The following VPS52 variants were observed in gnomAD, a reference collection of about 807,000 sequenced individuals.
VPS52 encodes the protein VPS52 subunit of GARP complex, also known as vacuolar protein sorting-associated protein 52 homolog.
In VPS52, 56 loss-of-function variants were observed where a neutral mutation model predicts 98.7. That is an observed-to-expected ratio of 0.57 (90% CI 0.46 to 0.71). The LOEUF (loss-of-function observed/expected upper bound fraction) is 0.71, where lower values mean the gene tolerates loss of function less well. Ranked by LOEUF, VPS52 falls within the 30% of genes least tolerant of loss-of-function variation. The probability of loss-of-function intolerance (pLI) is 0.00; values close to 1 mark genes in which losing one functional copy is unlikely to be tolerated. For synonymous variants in VPS52, 348 were observed against 346.4 expected, an observed-to-expected ratio of 1.00 and a Z score of -0.05; for missense variants, 742 against 925.9, an observed-to-expected ratio of 0.80 and a Z score of 2.58.
At chr6:33,262,257 CAT>C (rs2150827169) in intron 17 of VPS52, among the ~76,000 whole-genome samples, 1 of 152,072 alleles carries the variant, frequency 6.6e-6, no homozygotes, top group South Asian at 2.1e-4. Context: ...GGCAAACAGA[CAT>C]ATATGAAAAG....
At chr6:33,256,463 C>CAAAAAAAAAAAAAAAAAAAAAAAA (rs9280385) in intron 17 of VPS52, among the ~76,000 whole-genome samples, 2 of 83,746 alleles carry the variant, frequency 2.4e-5, no homozygotes, top group Non-Finnish European at 4.6e-5. Context: ...AAACCTGTCT[C>CAAAAAAAAAAAAAAAAAAAAAAAA]AAAAAAAAAA....
chr6:33,271,775 C>T lies in VPS52; in HGVS notation c.-100G>A. 6.8e-7 allele frequency: 1 copy of T among 1,475,752 alleles called. No individual in the cohort carries two copies. The allele number at this position is 1,475,752 out of a possible 1,614,324, so 91.4% of individuals were successfully genotyped here. On this transcript the variant is annotated 5_prime_UTR_variant, in exon 1 of 20. Transcript: ENST00000445902. Reference sequence around the variant, plus strand: ...GGGTCTTCCTCAGCGCGAAATCGTTCCCAGATATTTGAGTTAAGTTGTTTG... The same window carrying T: ...GGGTCTTCCTCAGCGCGAAATCGTTTCCAGATATTTGAGTTAAGTTGTTTG...
intron 17 of VPS52, among the ~76,000 whole-genome samples, chr6:33,259,816 G>C (rs1375103718): frequency 1.3e-5 from 2 of 151,970 alleles, no homozygotes; most frequent in Non-Finnish European, 2.9e-5. Flanking sequence ...AATACCACAT[G>C]TTGGAGAAAA....
At chr6:33,252,725 T>C (rs1581545668) in intron 17 of VPS52, among the ~76,000 whole-genome samples, 1 of 151,970 alleles carries the variant, frequency 6.6e-6, no homozygotes, top group African/African-American at 2.4e-5. Context: ...ACAAGAATTA[T>C]ACAATGAATT....
chr6:33,259,164 A>G lies in VPS52; in HGVS notation c.1794+4320T>C, dbSNP rs991228199. On this transcript the variant is annotated intron_variant, in intron 17 of 19. Coordinates refer to ENST00000445902, the MANE Select transcript of VPS52 (RefSeq NM_022553.6). Reference sequence around the variant, plus strand: ...ATTTATTCAGTAAAGATTAATTGACAAAGACTTGAGTCAACACCACTACGG... The same window carrying G: ...ATTTATTCAGTAAAGATTAATTGACGAAGACTTGAGTCAACACCACTACGG... Among the ~76,000 whole-genome samples, 4 of 152,178 alleles carry G rather than the reference A, an allele frequency of 2.6e-5. No individual in the cohort carries two copies. In the East Asian group the frequency reaches 7.7e-4, roughly 29 times the overall value.
In VPS52 at chr6:33,266,751, G is replaced by A. The variant is rs776893532; in HGVS notation, c.1126-39C>T. The A allele has an allele frequency of 6.3e-6, 10 of 1,575,392 alleles. No homozygotes were observed. In the Admixed American group the frequency reaches 1.2e-4, roughly 20 times the overall value. On this transcript the variant is annotated intron_variant, in intron 11 of 19. Transcript: ENST00000445902. ...AGTAAAGAAGAAAAACAGAAGGGAT[G>A]GACCCCAACACTGACTTCCCATGGA... is the stretch of plus-strand genomic sequence containing the variant.
rs184051660 is a variant in VPS52, at chr6:33,267,013, G to A, written c.1125+175C>T. The stretch of plus-strand genomic sequence containing the variant: ...CCCCTCTGCATGCCCTTAAGTCAAT[G>A]GTTCCCAGCTCTTTTCACATCACAG... On this transcript the variant is annotated intron_variant, in intron 11 of 19. Coordinates refer to ENST00000445902, the MANE Select transcript of VPS52 (RefSeq NM_022553.6). The surrounding 1 kb of genome is among the most constrained non-coding windows in gnomAD (Gnocchi z 4.2). Among the ~76,000 whole-genome samples the A allele has an allele frequency of 5.3e-5, 8 of 152,288 alleles. No homozygotes were observed. In the East Asian group the frequency reaches 1.3e-3, roughly 26 times the overall value.
In VPS52 at chr6:33,267,502, T is replaced by C; in HGVS notation, c.991+180A>G. 1 of 1,196,668 alleles carries C rather than the reference T, an allele frequency of 8.4e-7. No homozygotes were observed. The highest frequency in any genetic ancestry group is 1.5e-5 in the South Asian group (1 of 67,708). 74.1% of individuals were successfully genotyped at this position (1,196,668 alleles called of 1,614,324 possible). A position where few individuals can be genotyped will look rare whatever the true frequency, so the allele number is the denominator to read the frequency against. ...TGTCTCTCCCTCCCTTGCAATCATA[T>C]GCAAAACTATGTGTCAAAATAATGT... On this transcript the variant is annotated intron_variant, in intron 10 of 19. Coordinates refer to ENST00000445902, the MANE Select transcript of VPS52 (RefSeq NM_022553.6). This position sits in a 1 kb window ranked among gnomAD's most constrained non-coding sequence, Gnocchi z 4.2.
intron 16 of VPS52, 29 bp downstream of exon 16, chr6:33,263,743 G>A: frequency 6.2e-7 from 1 of 1,613,390 alleles, no homozygotes; most frequent in Non-Finnish European, 8.5e-7. Flanking sequence ...TTTCTGGGTA[G>A]GAAGGCAAGG....
chr6:33,267,504 C>G lies in VPS52; in HGVS notation c.991+178G>C. On this transcript the variant is annotated intron_variant, in intron 10 of 19. Coordinates refer to ENST00000445902, the MANE Select transcript of VPS52 (RefSeq NM_022553.6). This position sits in a 1 kb window ranked among gnomAD's most constrained non-coding sequence, Gnocchi z 4.2. ...TCTCTCCCTCCCTTGCAATCATATG[C>G]AAAACTATGTGTCAAAATAATGTGT... is the stretch of plus-strand genomic sequence containing the variant. 1 of 1,203,328 alleles carries G rather than the reference C, an allele frequency of 8.3e-7. No individual in the cohort carries two copies. Among genetic ancestry groups the G allele is most frequent in the Non-Finnish European group, 1.2e-6 (1 of 854,440 alleles). 74.5% of individuals were successfully genotyped at this position (1,203,328 alleles called of 1,614,324 possible).
intron 17 of VPS52, among the ~76,000 whole-genome samples, chr6:33,261,515 C>G (rs1214550244): frequency 2.0e-5 from 3 of 151,192 alleles, no homozygotes; most frequent in African/African-American, 7.3e-5. Context: ...GCTGGGAAAA[C>G]TGGCTATCCA....
At chr6:33,254,973 G>C (rs1277260791) in intron 17 of VPS52, 1 of 152,094 alleles carries the variant, frequency 6.6e-6, no homozygotes, top group Non-Finnish European at 1.5e-5. Context: ...GCTGGCCTCA[G>C]TACTATTTTT....
chr6:33,269,935 CTG>C, intron 3 of VPS52, 62 bp downstream of exon 3: 1 of 1,606,518 alleles, frequency 6.2e-7, no homozygotes, highest in African/African-American at 1.3e-5. Flanking sequence ...AAGCAAGAGA[CTG>C]TTGTTTTTCC....
Position 33,267,270 on chromosome 6 carries a change from C to G in VPS52, c.1043G>C (p.Gly348Ala). 6.2e-7 allele frequency: 1 copy of G among 1,604,872 alleles called. No individual in the cohort carries two copies. The highest frequency in any genetic ancestry group is 8.5e-7 in the Non-Finnish European group (1 of 1,176,132). ...GGGGGAGATGACAGAGCCGCGGGTT[C>G]CTAGGGTGAAAATGGTGTTCCTGCT... ...LRSRNTIFTL[G>A]TRGSVISPTE... The change falls in exon 11 of 20, where the codon GGA becomes GCA. Residue 348 changes from glycine (G) to alanine (A), a missense_variant. By Grantham distance (60) the Gly-to-Ala change is moderately conservative (BLOSUM62 0). Coordinates refer to ENST00000445902, the MANE Select transcript of VPS52 (RefSeq NM_022553.6). This position sits in a 1 kb window ranked among gnomAD's most constrained non-coding sequence, Gnocchi z 4.2.
In VPS52 at chr6:33,268,437, T is replaced by C; in HGVS notation, c.699+62A>G. ...CAGTGAGCTCTGCCAAGGAAATCCA[T>C]AGTGAAGATCTTGGGAAGGCTGCTT... On this transcript the variant is annotated intron_variant, in intron 7 of 19. Coordinates refer to ENST00000445902, the MANE Select transcript of VPS52 (RefSeq NM_022553.6). The surrounding 1 kb of genome is among the most constrained non-coding windows in gnomAD (Gnocchi z 4.0). 2 of 1,534,918 alleles carry C rather than the reference T, an allele frequency of 1.3e-6. No individual in the cohort carries two copies. The highest frequency in any genetic ancestry group is 1.8e-6 in the Non-Finnish European group (2 of 1,138,870).
chr6:33,269,195 G>A lies in VPS52; in HGVS notation c.373-6C>T, dbSNP rs763690258. ...CCCAACATCTGCTCCATTCGCTGTA[G>A]GGAGGGTAGATGTTGCCGGAGTGCT... On this transcript the variant is annotated splice_polypyrimidine_tract_variant and splice_region_variant and intron_variant, in intron 5 of 19. Coordinates refer to ENST00000445902, the MANE Select transcript of VPS52 (RefSeq NM_022553.6). 6.2e-7 allele frequency: 1 copy of A among 1,613,032 alleles called. No individual in the cohort carries two copies. The highest frequency in any genetic ancestry group is 8.5e-7 in the Non-Finnish European group (1 of 1,179,980).
Position 33,267,170 on chromosome 6 carries a change from G to A in VPS52, c.1125+18C>T. The A allele has an allele frequency of 1.4e-6, 2 of 1,474,888 alleles. No individual in the cohort carries two copies. The highest frequency in any genetic ancestry group is 1.8e-6 in the Non-Finnish European group (2 of 1,111,328). The allele number at this position is 1,474,888 out of a possible 1,614,324, so 91.4% of individuals were successfully genotyped here. A position where few individuals can be genotyped will look rare whatever the true frequency, so the allele number is the denominator to read the frequency against. ...GCTCAGAGCCTCTTTCGTGACTGAA[G>A]CTTGTTCCTCCTCATACCCTCTGCT... On this transcript the variant is annotated intron_variant, in intron 11 of 19. Transcript: ENST00000445902. The surrounding 1 kb of genome is among the most constrained non-coding windows in gnomAD (Gnocchi z 4.2).
At chr6:33,271,911 A>G, upstream of VPS52, 1 of 1,071,146 alleles carries the variant, frequency 9.3e-7, no homozygotes, top group Non-Finnish European at 1.3e-6. Context: ...TTACCTATGA[A>G]CCTTACGAAC....
rs1329987925 is a variant in VPS52, at chr6:33,267,081, G to A, written c.1125+107C>T. On this transcript the variant is annotated intron_variant, in intron 11 of 19. Transcript: ENST00000445902. This position sits in a 1 kb window ranked among gnomAD's most constrained non-coding sequence, Gnocchi z 4.2. Reference sequence around the variant, plus strand: ...AGAAGGCCACTCCCAAGTCTAAGGGGATTAAGACAGGGCCTGCAGGTTGGG... The same window carrying A: ...AGAAGGCCACTCCCAAGTCTAAGGGAATTAAGACAGGGCCTGCAGGTTGGG... The A allele has an allele frequency of 1.4e-6, 2 of 1,401,242 alleles. No individual in the cohort carries two copies. Among genetic ancestry groups the A allele is most frequent in the East Asian group, 2.5e-5 (1 of 40,674 alleles). The allele number at this position is 1,401,242 out of a possible 1,614,324, so 86.8% of individuals were successfully genotyped here.
Sources: gnomAD v4.1 joint callset for allele counts (sites outside exome capture counted in the v4.1 genomes callset) on GRCh38, gnomAD v4.1.1 for gene constraint, Gnocchi (gnomAD v3.1) non-coding constraint, MANE v1.5 for transcripts, NCBI Gene and HGNC (gene_info 2026-07-23, HGNC 2026-07-21) for gene names.